The following AGAP1 variants were observed in gnomAD, a reference collection of about 807,000 sequenced individuals.
AGAP1 encodes ArfGAP with GTPase domain, ankyrin repeat and PH domain 1, also known as arf-GAP with GTPase, ANK repeat and PH domain-containing protein 1.
AGAP1 carries 29 observed loss-of-function variants against 105.3 expected under a neutral mutation model. That is an observed-to-expected ratio of 0.28 (90% CI 0.21 to 0.38). AGAP1 has a LOEUF of 0.38. AGAP1 is among the 10% of genes least tolerant of loss of function. The probability of loss-of-function intolerance (pLI) is 1.00; values close to 1 mark genes in which losing one functional copy is unlikely to be tolerated. For missense variants in AGAP1, 998 were observed against 1,165.1 expected, an observed-to-expected ratio of 0.86 and a Z score of 2.09; for synonymous variants, 509 against 485.9, an observed-to-expected ratio of 1.05 and a Z score of -0.63.
chr2:235,957,701 G>T lies in AGAP1; in HGVS notation c.1484-10761G>T, dbSNP rs1196434286. Reference sequence around the variant, plus strand: ...AAGGTGGCCTGTTCTTTATTTACCGGCCTACACATCTCTGTAAGCTTCAGA... The same window carrying T: ...AAGGTGGCCTGTTCTTTATTTACCGTCCTACACATCTCTGTAAGCTTCAGA... On this transcript the variant is annotated intron_variant, in intron 12 of 17. Transcript: ENST00000304032. This position sits in a 1 kb window ranked among gnomAD's most constrained non-coding sequence, Gnocchi z 4.6. 1.3e-5 allele frequency among the ~76,000 whole-genome samples: 2 copies of T among 152,082 alleles called. No homozygotes were observed. Among genetic ancestry groups the T allele is most frequent in the Non-Finnish European group, 2.9e-5 (2 of 68,006 alleles).
intron 9 of AGAP1, among the ~76,000 whole-genome samples, chr2:235,844,604 C>A (rs1267031173): frequency 6.6e-6 from 1 of 152,164 alleles, no homozygotes; most frequent in Non-Finnish European, 1.5e-5. Context: ...GAAGCTCCTG[C>A]AGCTTGGCAC....
At chr2:236,031,975 G>A (rs1295428903) in intron 13 of AGAP1, among the ~76,000 whole-genome samples, 1 of 152,164 alleles carries the variant, frequency 6.6e-6, no homozygotes, top group Non-Finnish European at 1.5e-5. Context: ...CAGTCCTTCA[G>A]CCTTTTCATA....
chr2:235,589,370 T>C (rs996036634), intron 1 of AGAP1, among the ~76,000 whole-genome samples: 4 of 151,898 alleles, frequency 2.6e-5, no homozygotes, highest in Non-Finnish European at 4.4e-5. Context: ...CATGCCCGGC[T>C]AACATTTTGT....
At chr2:235,774,274 C>T in intron 6 of AGAP1, 1 of 450,664 alleles carries the variant, frequency 2.2e-6, no homozygotes, top group Non-Finnish European at 4.5e-6. Flanking sequence ...CTCCCCTATC[C>T]ACAGCCATCA....
chr2:235,646,561 G>C (rs1206392644), intron 1 of AGAP1, among the ~76,000 whole-genome samples: 1 of 152,180 alleles, frequency 6.6e-6, no homozygotes, highest in Non-Finnish European at 1.5e-5. Context: ...GCTGGGTTAG[G>C]CTTGCTGAAT....
rs1956734239 is a variant in AGAP1 at position 235,787,670 on chromosome 2, A to T, written c.674-10089A>T. Among the ~76,000 whole-genome samples, 1 of 152,210 alleles carries T rather than the reference A, an allele frequency of 6.6e-6. No individual in the cohort carries two copies. The highest frequency in any genetic ancestry group is 2.4e-5 in the African/African-American group (1 of 41,446). ...AGTCAGTAAATGGGATGAGTGAGGG[A>T]TGCTATAAAGCATAGTAAAGAAACC... On this transcript the variant is annotated intron_variant, in intron 6 of 17. Coordinates refer to ENST00000304032, the MANE Select transcript of AGAP1 (RefSeq NM_001037131.3). The surrounding 1 kb of genome is among the most constrained non-coding windows in gnomAD (Gnocchi z 4.4).
rs968019743 is a variant in AGAP1 at position 235,741,084 on chromosome 2, T to TC, written c.396+39dup. The TC allele has an allele frequency of 4.7e-6, 7 of 1,500,328 alleles. No homozygotes were observed. Among genetic ancestry groups the TC allele is most frequent in the Non-Finnish European group, 5.4e-6 (6 of 1,109,818 alleles). 92.9% of individuals were successfully genotyped at this position (1,500,328 alleles called of 1,614,324 possible). ...ATGCATGCCCCAAGCCTGCTTTTTTTCCCTTTGTTTTCTAAGGTTTGATTC... is the reference window on the plus strand; with the variant it reads ...ATGCATGCCCCAAGCCTGCTTTTTTTCCCCTTTGTTTTCTAAGGTTTGATTC... On this transcript the variant is annotated intron_variant, in intron 4 of 17. Coordinates refer to ENST00000304032, the MANE Select transcript of AGAP1 (RefSeq NM_001037131.3). The surrounding 1 kb of genome is among the most constrained non-coding windows in gnomAD (Gnocchi z 4.9).
chr2:235,708,473 G>T lies in AGAP1; in HGVS notation c.164-706G>T, dbSNP rs1950662697. ...GTGCACAGGCAGTCAGGGGAGGCGG[G>T]GGAGAGTGCACCTGCAGAGGGCTGG... On this transcript the variant is annotated intron_variant, in intron 1 of 17. Transcript: ENST00000304032. Among the ~76,000 whole-genome samples the T allele has an allele frequency of 2.6e-5, 4 of 152,238 alleles. No individual in the cohort carries two copies. The South Asian group carries it at 8.3e-4, about 32-fold the overall frequency.
rs1411240647 is a variant in AGAP1, at chr2:236,128,738, A to G, written c.*4616A>G. 6.6e-6 allele frequency: 1 copy of G among 152,184 alleles called. No homozygotes were observed. Among genetic ancestry groups the G allele is most frequent in the African/African-American group, 2.4e-5 (1 of 41,444 alleles). 9.4% of individuals were successfully genotyped at this position (152,184 alleles called of 1,614,324 possible). ...GCCCCAGGAGGTGGGAAGCCTGGCA[A>G]CGATGTAGCTTCCCCTGAGATGCGG... On this transcript the variant is annotated 3_prime_UTR_variant, in exon 18 of 18. Transcript: ENST00000304032. This position sits in a 1 kb window ranked among gnomAD's most constrained non-coding sequence, Gnocchi z 5.9.
At chr2:236,039,290 T>A (rs943811154) in intron 14 of AGAP1, among the ~76,000 whole-genome samples, 9 of 151,932 alleles carry the variant, frequency 5.9e-5, no homozygotes, top group East Asian at 5.8e-4. Context: ...TACAAAAAAA[T>A]TTTTAAATAG....
At position 236,124,578 on chromosome 2, in the gene AGAP1, G is replaced by T; in HGVS notation, c.*456G>T. ...CATCTCTTCTCTGAGGAGCTCGACG[G>T]CATAAATCAGAAGCAAGCACAGAGT... On this transcript the variant is annotated 3_prime_UTR_variant, in exon 18 of 18. Transcript: ENST00000304032. The surrounding 1 kb of genome is among the most constrained non-coding windows in gnomAD (Gnocchi z 5.1). The T allele has an allele frequency of 4.9e-6, 1 of 204,374 alleles. No individual in the cohort carries two copies. The allele number at this position is 204,374 out of a possible 1,614,324, so 12.7% of individuals were successfully genotyped here.
rs1160924592 is a variant in AGAP1 at position 236,061,846 on chromosome 2, T to C, written c.2114+12565T>C. Among the ~76,000 whole-genome samples, 1 of 150,268 alleles carries C rather than the reference T, an allele frequency of 6.7e-6. No homozygotes were observed. Among genetic ancestry groups the C allele is most frequent in the Non-Finnish European group, 1.5e-5 (1 of 67,748 alleles). On this transcript the variant is annotated intron_variant, in intron 16 of 17. Coordinates refer to ENST00000304032, the MANE Select transcript of AGAP1 (RefSeq NM_001037131.3). The surrounding 1 kb of genome is among the most constrained non-coding windows in gnomAD (Gnocchi z 4.1). ...ACCACTGAGTTGTACACTTTTAAAG[T>C]GTGAATTTTATGGTATATAAATTAT...
intron 1 of AGAP1, among the ~76,000 whole-genome samples, chr2:235,661,300 A>G (rs1235882282): frequency 6.6e-6 from 1 of 152,066 alleles, no homozygotes; most frequent in Non-Finnish European, 1.5e-5. Flanking sequence ...TTTTCTGTTA[A>G]GTGGGACGTA....
chr2:235,764,063 G>A (rs1299123427), intron 6 of AGAP1, among the ~76,000 whole-genome samples: 4 of 138,700 alleles, frequency 2.9e-5, no homozygotes, highest in Non-Finnish European at 6.2e-5. Context: ...CGTGTGTGGC[G>A]GTTGCCCATG....
chr2:235,605,164 C>G (rs1223345322), intron 1 of AGAP1, among the ~76,000 whole-genome samples: 1 of 152,246 alleles, frequency 6.6e-6, no homozygotes, highest in Non-Finnish European at 1.5e-5. Context: ...AGGCATGAGC[C>G]ACTGTGCCCA....
chr2:235,717,363 G>C (rs1018308257), intron 2 of AGAP1, among the ~76,000 whole-genome samples, 194 bp from the exon 3 acceptor site: 1 of 152,224 alleles, frequency 6.6e-6, no homozygotes, highest in African/African-American at 2.4e-5. Context: ...TGATGAGAAC[G>C]TGAGATGTTA....
intron 1 of AGAP1, among the ~76,000 whole-genome samples, chr2:235,672,443 T>A (rs183606773): frequency 8.1e-4 from 123 of 152,368 alleles, no homozygotes; most frequent in South Asian, 3.5e-3. Context: ...TAGCTTGTCA[T>A]GGCACATCTA....
At chr2:235,907,968 CAAT>C (rs1005942764) in intron 10 of AGAP1, among the ~76,000 whole-genome samples, 1 of 151,962 alleles carries the variant, frequency 6.6e-6, no homozygotes, top group Admixed American at 6.6e-5. Flanking sequence ...ATAATAATAA[CAAT>C]AATAATAATG....
chr2:236,023,616 C>T (rs185496290), intron 13 of AGAP1, among the ~76,000 whole-genome samples: 6 of 152,206 alleles, frequency 3.9e-5, no homozygotes, highest in African/African-American at 1.2e-4. Flanking sequence ...CTGCCCAGGC[C>T]TTGGCTGTTG....
Sources: gnomAD v4.1 joint callset for allele counts (sites outside exome capture counted in the v4.1 genomes callset) on GRCh38, gnomAD v4.1.1 for gene constraint, Gnocchi (gnomAD v3.1) non-coding constraint, MANE v1.5 for transcripts, NCBI Gene and HGNC (gene_info 2026-07-23, HGNC 2026-07-21) for gene names.